Variants in NFYA observed in about 807,000 individuals in gnomAD.
NFYA encodes nuclear transcription factor Y subunit alpha, also known as CAAT-box DNA binding protein subunit A.
Under a neutral mutation model 52.8 loss-of-function variants are expected in NFYA, and 28 were observed. That is an observed-to-expected ratio of 0.53 (90% CI 0.39 to 0.73). NFYA has a LOEUF of 0.73. Among genes scored for constraint, NFYA ranks in the 30% least tolerant of loss-of-function variants. The probability of loss-of-function intolerance (pLI) is 0.00; values close to 1 mark genes in which losing one functional copy is unlikely to be tolerated. For missense variants in NFYA, 234 were observed against 427.0 expected (o/e 0.55, Z 3.98); for synonymous variants, 150 against 150.7 (o/e 1.00, Z 0.03).
intron 4 of NFYA, among the ~76,000 whole-genome samples, chr6:41,087,385 A>G (rs1435668226): frequency 6.6e-6 from 1 of 152,124 alleles, no homozygotes; most frequent in African/African-American, 2.4e-5. Context: ...CCTTTTTCCT[A>G]TCAGCTGGTA....
At chr6:41,083,415 A>T (rs1417430243) in intron 3 of NFYA, among the ~76,000 whole-genome samples, 1 of 152,246 alleles carries the variant, frequency 6.6e-6, no homozygotes, top group Non-Finnish European at 1.5e-5. Context: ...GCTTTTAAGA[A>T]ATCTTTAGTA....
chr6:41,078,470 C>T (rs1561850179), intron 1 of NFYA, among the ~76,000 whole-genome samples: 1 of 138,652 alleles, frequency 7.2e-6, no homozygotes, highest in African/African-American at 2.9e-5. Flanking sequence ...GATGAATTGC[C>T]GATTGCTAAC....
chr6:41,094,072 A>G (rs1037157934), intron 8 of NFYA, among the ~76,000 whole-genome samples: 2 of 152,214 alleles, frequency 1.3e-5, no homozygotes, highest in African/African-American at 4.8e-5. Context: ...TTTTTACTGA[A>G]CACTCATTTG....
intron 2 of NFYA, among the ~76,000 whole-genome samples, chr6:41,080,133 C>T (rs1471857527): frequency 6.6e-6 from 1 of 152,092 alleles, no homozygotes; most frequent in South Asian, 2.1e-4. Flanking sequence ...GCTCTTAAAG[C>T]AGTCCAGTTG....
At chr6:41,076,093 G>A (rs911900055) in intron 1 of NFYA, among the ~76,000 whole-genome samples, 10 of 152,094 alleles carry the variant, frequency 6.6e-5, no homozygotes, top group African/African-American at 2.4e-5. Flanking sequence ...CCAATGCTGG[G>A]AATTTTTAAA....
intron 7 of NFYA, 87 bp from the exon 8 acceptor site, chr6:41,092,825 A>G: frequency 7.3e-7 from 1 of 1,363,374 alleles, no homozygotes; most frequent in Non-Finnish European, 9.9e-7. Flanking sequence ...TGGCATTTAC[A>G]AAAAAAATGG....
intron 8 of NFYA, among the ~76,000 whole-genome samples, chr6:41,094,079 T>C (rs897307515): frequency 6.6e-6 from 1 of 152,206 alleles, no homozygotes. Flanking sequence ...TGAACACTCA[T>C]TTGCTCAAAC....
intron 7 of NFYA, 100 bp downstream of exon 7, chr6:41,091,794 C>T (rs1330497000): frequency 2.0e-5 from 27 of 1,364,634 alleles, no homozygotes; most frequent in South Asian, 2.7e-5. Flanking sequence ...GGATTGAGAT[C>T]GATCCTTAAG....
intron 1 of NFYA, chr6:41,075,275 C>T (rs948051347): frequency 1.3e-5 from 2 of 152,214 alleles, no homozygotes; most frequent in African/African-American, 4.8e-5. Context: ...ACCTGGAACT[C>T]CTGGGCTCAA....
chr6:41,097,507 C>A lies in NFYA; in HGVS notation c.*97C>A. 7.8e-7 allele frequency: 1 copy of A among 1,281,840 alleles called. No individual in the cohort carries two copies. Among genetic ancestry groups the A allele is most frequent in the Non-Finnish European group, 1.1e-6 (1 of 891,284 alleles). 79.4% of individuals were successfully genotyped at this position (1,281,840 alleles called of 1,614,324 possible). A position where few individuals can be genotyped will look rare whatever the true frequency, so the allele number is the denominator to read the frequency against. ...ATGGGACATTGATGATCACATTCTG[C>A]CCTTTACTACAGGACAGAAACCACT... On this transcript the variant is annotated 3_prime_UTR_variant, in exon 10 of 10. Coordinates refer to ENST00000341376, the MANE Select transcript of NFYA (RefSeq NM_002505.5).
Position 41,092,951 on chromosome 6 carries a change from A to G in NFYA, c.754A>G (p.Ile252Val), listed in dbSNP as rs1172116545. 6.2e-7 allele frequency: 1 copy of G among 1,613,934 alleles called. No individual in the cohort carries two copies. Among genetic ancestry groups the G allele is most frequent in the Admixed American group, 1.7e-5 (1 of 60,002 alleles). The change falls in exon 8 of 10, where the codon ATC (isoleucine) becomes GTC (valine). Residue 252 changes from isoleucine (I) to valine (V), a missense_variant. By Grantham distance (29) the Ile-to-Val change is conservative. Around this residue, in one of 3 missense-constraint regions of NFYA, gnomAD observed 81 missense variants for 210.5 expected, o/e 0.38. Coordinates refer to ENST00000341376, the MANE Select transcript of NFYA (RefSeq NM_002505.5). ...GAGSVPAIQR[I>V]PLPGAEMLEE... ...TGGCTCTGTGCCTGCTATCCAAAGA[A>G]TCCCTCTACCTGGAGCAGAGATGCT... is the stretch of plus-strand genomic sequence containing the variant.
chr6:41,073,269 G>A (rs533667330), intron 1 of NFYA, among the ~76,000 whole-genome samples, 185 bp downstream of exon 1: 146 of 151,652 alleles, frequency 9.6e-4, no homozygotes, highest in Middle Eastern at 3.4e-3. Flanking sequence ...GGCACTCCCG[G>A]CCGAGGCCTG....
chr6:41,088,114 A>G (rs1258142399), intron 4 of NFYA, among the ~76,000 whole-genome samples: 1 of 152,212 alleles, frequency 6.6e-6, no homozygotes, highest in South Asian at 2.1e-4. Flanking sequence ...CCTAGAAGTT[A>G]GCAGCTTAAA....
Position 41,094,499 on chromosome 6 carries a change from T to C in NFYA, c.990+2T>C, listed in dbSNP as rs765087958. On this transcript the variant is annotated splice_donor_variant, in intron 9 of 9. Coordinates refer to ENST00000341376, the MANE Select transcript of NFYA (RefSeq NM_002505.5). LOFTEE classifies it high-confidence loss of function. ...GAAAAGGATAGTCCCCATATGCAGG[T>C]AGGAAGACATATACATTTTATTCTT... 2.5e-6 allele frequency: 4 copies of C among 1,607,576 alleles called. No homozygotes were observed. Among genetic ancestry groups the C allele is most frequent in the Non-Finnish European group, 3.4e-6 (4 of 1,173,930 alleles).
At chr6:41,090,396 G>A in intron 6 of NFYA, 87 bp downstream of exon 6, 4 of 690,958 alleles carry the variant, frequency 5.8e-6, no homozygotes, top group South Asian at 5.3e-5. Flanking sequence ...TTTGAGTGGT[G>A]AACTTGACAC....
chr6:41,075,013 C>T (rs1335011496), intron 1 of NFYA, among the ~76,000 whole-genome samples: 1 of 152,148 alleles, frequency 6.6e-6, no homozygotes, highest in African/African-American at 2.4e-5. Flanking sequence ...TATTCCAGTG[C>T]TCTTTCATTA....
chr6:41,082,780 T>G (rs1158897176), intron 3 of NFYA, among the ~76,000 whole-genome samples: 1 of 152,164 alleles, frequency 6.6e-6, no homozygotes, highest in African/African-American at 2.4e-5. Flanking sequence ...GGGATTTGAT[T>G]TGGAATGGGG....
intron 8 of NFYA, among the ~76,000 whole-genome samples, chr6:41,093,991 A>G (rs115810060): frequency 1.7e-3 from 261 of 152,308 alleles, no homozygotes; most frequent in African/African-American, 6.1e-3. Flanking sequence ...CTGCAGTCCA[A>G]CAGCAAGGGT....
chr6:41,075,589 A>C (rs1257617032), intron 1 of NFYA: 1 of 151,916 alleles, frequency 6.6e-6, no homozygotes, highest in Non-Finnish European at 1.5e-5. Flanking sequence ...ATGCTGAAAT[A>C]TTTCTGTTCT....
Sources: allele counts gnomAD v4.1 joint callset (sites outside exome capture counted in the v4.1 genomes callset), GRCh38; gene constraint gnomAD v4.1.1; regional missense constraint gnomAD v4.1.1; transcripts MANE v1.5; gene names NCBI Gene and HGNC (gene_info 2026-07-23, HGNC 2026-07-21).